Variants in SHISA9 observed in about 807,000 individuals in gnomAD.
SHISA9 encodes the protein shisa family member 9.
In SHISA9, 13 loss-of-function variants were observed where a neutral mutation model predicts 38.0. The ratio of observed to expected loss-of-function variants is 0.34; its 90% CI spans 0.22 to 0.54. The LOEUF (loss-of-function observed/expected upper bound fraction) is 0.54. Among genes scored for constraint, SHISA9 ranks in the 20% least tolerant of loss-of-function variants. SHISA9 has a pLI of 0.91. For missense variants in SHISA9, 538 were observed against 575.8 expected, an observed-to-expected ratio of 0.93 and a Z score of 0.67; for synonymous variants, 275 against 242.0, an observed-to-expected ratio of 1.14 and a Z score of -1.27.
At chr16:13,315,088 C>A in the SHISA9 span, among the ~76,000 whole-genome samples, 1 of 136,250 alleles carries the variant, frequency 7.3e-6, no homozygotes, top group African/African-American at 2.7e-5. Context: ...CAAATAGAAC[C>A]TGCTGTTGGC....
chr16:13,349,387 G>C, the SHISA9 span, among the ~76,000 whole-genome samples: 1 of 152,182 alleles, frequency 6.6e-6, no homozygotes. Flanking sequence ...GAAGTGATAG[G>C]GGACAGACTC....
At chr16:12,909,666 C>A in intron 1 of SHISA9, 1 of 937,166 alleles carries the variant, frequency 1.1e-6, no homozygotes, top group Non-Finnish European at 1.3e-6. Context: ...CTCTGAGAAG[C>A]CGTCCCTGAC....
intron 2 of SHISA9, among the ~76,000 whole-genome samples, chr16:13,055,355 C>T (rs2073298304): frequency 6.6e-6 from 1 of 152,124 alleles, no homozygotes; most frequent in Admixed American, 6.6e-5. Flanking sequence ...CTTTTAGGCT[C>T]TTTGGGAGTA....
intron 2 of SHISA9, among the ~76,000 whole-genome samples, chr16:13,020,402 C>T (rs748016856): frequency 1.3e-5 from 2 of 152,092 alleles, no homozygotes; most frequent in South Asian, 2.1e-4. Context: ...GTTGCTCCCC[C>T]GTATGTATCC....
At chr16:13,155,000 A>G (rs1049901835) in intron 2 of SHISA9, among the ~76,000 whole-genome samples, 3 of 152,154 alleles carry the variant, frequency 2.0e-5, no homozygotes, top group African/African-American at 7.2e-5. Flanking sequence ...ATGATGATGA[A>G]ATACTTCCTG....
intron 2 of SHISA9, among the ~76,000 whole-genome samples, chr16:12,924,534 C>A (rs573541758): frequency 1.3e-4 from 20 of 152,098 alleles, no homozygotes; most frequent in Non-Finnish European, 2.5e-4. Flanking sequence ...CATAGTTGGG[C>A]AGACTAGTTG....
intron 2 of SHISA9, among the ~76,000 whole-genome samples, chr16:13,188,732 A>C (rs2050853672): frequency 6.6e-6 from 1 of 151,588 alleles, no homozygotes; most frequent in African/African-American, 2.4e-5. Context: ...AAAAAAAAAA[A>C]AAAAAAGGTA....
the SHISA9 span, among the ~76,000 whole-genome samples, chr16:13,525,514 G>A: frequency 2.0e-5 from 3 of 152,128 alleles, no homozygotes; most frequent in African/African-American, 4.8e-5. Flanking sequence ...ACACTGGATT[G>A]TTGGTGGCTC....
At position 13,168,628 on chromosome 16, in the gene SHISA9, AG is replaced by A. The variant is rs376729353; in HGVS notation, c.692-34765del. ...AGGTTGTGAACTACTGCCTAGAGAAAGCTGGCCAGAAAGCAGTGAGAGCTTA... is the reference window on the plus strand; with the variant it reads ...AGGTTGTGAACTACTGCCTAGAGAAACTGGCCAGAAAGCAGTGAGAGCTTA... On this transcript the variant is annotated intron_variant, in intron 2 of 4. Coordinates refer to ENST00000558583, the MANE Select transcript of SHISA9 (RefSeq NM_001145204.3). 1.6e-4 allele frequency among the ~76,000 whole-genome samples: 25 copies of A among 152,350 alleles called. No individual in the cohort carries two copies. In the East Asian group the frequency reaches 4.4e-3, roughly 27 times the overall value.
intron 2 of SHISA9, among the ~76,000 whole-genome samples, chr16:13,121,832 TAC>T (rs55727441): frequency 0.13 from 17,389 of 134,534 alleles, 964 homozygotes; most frequent in East Asian, 0.18. Context: ...TATACACACA[TAC>T]ACACACACAC....
intron 2 of SHISA9, among the ~76,000 whole-genome samples, chr16:13,146,725 C>T (rs1394722212): frequency 1.3e-5 from 2 of 152,160 alleles, no homozygotes; most frequent in Non-Finnish European, 2.9e-5. Context: ...CACATCTTAA[C>T]GTTGTCAGAA....
At chr16:13,351,223 C>T in the SHISA9 span, among the ~76,000 whole-genome samples, 11 of 152,142 alleles carry the variant, frequency 7.2e-5, no homozygotes, top group African/African-American at 2.7e-4. Context: ...TAGTCCCTTA[C>T]CTACACTGCC....
At chr16:13,331,410 A>G in the SHISA9 span, 1 of 152,190 alleles carries the variant, frequency 6.6e-6, no homozygotes, top group Non-Finnish European at 1.5e-5. Context: ...CTGTAAAAAA[A>G]AAAAGCTATT....
the SHISA9 span, among the ~76,000 whole-genome samples, chr16:13,512,443 A>G: frequency 6.6e-6 from 1 of 152,226 alleles, no homozygotes; most frequent in East Asian, 1.9e-4. Context: ...ATTAATTTAT[A>G]GATTCAATGC....
chr16:12,930,063 T>C (rs575497723), intron 2 of SHISA9, among the ~76,000 whole-genome samples: 2 of 152,178 alleles, frequency 1.3e-5, no homozygotes, highest in African/African-American at 4.8e-5. Context: ...ATATACTACC[T>C]AAAGTCATCT....
chr16:13,141,209 T>A (rs1045646019), intron 2 of SHISA9, among the ~76,000 whole-genome samples: 14 of 152,118 alleles, frequency 9.2e-5, no homozygotes, highest in Admixed American at 5.9e-4. Flanking sequence ...CCTTCCAGTC[T>A]TTTTTCTACG....
At chr16:13,148,238 A>T (rs941530663) in intron 2 of SHISA9, among the ~76,000 whole-genome samples, 1 of 152,098 alleles carries the variant, frequency 6.6e-6, no homozygotes, top group African/African-American at 2.4e-5. Context: ...CGCACACCCG[A>T]ATATACACAA....
At chr16:13,250,992 C>T in the SHISA9 span, among the ~76,000 whole-genome samples, 1 of 152,160 alleles carries the variant, frequency 6.6e-6, no homozygotes, top group African/African-American at 2.4e-5. Context: ...GAGCTTAGTG[C>T]TGCTACCAAT....
intron 2 of SHISA9, among the ~76,000 whole-genome samples, chr16:13,069,574 ATGTG>A (rs201797318): frequency 6.6e-6 from 1 of 150,634 alleles, no homozygotes; most frequent in Non-Finnish European, 1.5e-5. Flanking sequence ...GTGCATGTGT[ATGTG>A]TGTGTACATG....
Sources: gnomAD v4.1 joint callset for allele counts (sites outside exome capture counted in the v4.1 genomes callset) on GRCh38, gnomAD v4.1.1 for gene constraint, MANE v1.5 for transcripts, NCBI Gene and HGNC (gene_info 2026-07-23, HGNC 2026-07-21) for gene names.